C4orf51: variants seen among roughly 807,000 people sequenced by gnomAD.
The protein encoded by C4orf51 is chromosome 4 open reading frame 51.
Under a neutral mutation model 25.2 loss-of-function variants are expected in C4orf51, and 25 were observed. The ratio of observed to expected loss-of-function variants is 0.99; its 90% confidence interval spans 0.72 to 1.39. The LOEUF (loss-of-function observed/expected upper bound fraction) is 1.39, where lower values mean the gene tolerates loss of function less well. Ranked by LOEUF, C4orf51 falls within the 40% of genes most tolerant of loss-of-function variation. The pLI is 0.00. For missense variants in C4orf51, 252 were observed against 239.6 expected (o/e 1.05, Z -0.34); for synonymous variants, 100 against 84.5 (o/e 1.18, Z -1.01).
intron 1 of C4orf51, among the ~76,000 whole-genome samples, chr4:145,741,210 C>G (rs963652381): frequency 6.6e-6 from 1 of 152,166 alleles, no homozygotes; most frequent in Non-Finnish European, 1.5e-5. Flanking sequence ...CTGGCCGTAT[C>G]CATCATGTTT....
At chr4:145,725,391 G>A (rs1487107825) in intron 2 of C4orf51, among the ~76,000 whole-genome samples, 1 of 152,008 alleles carries the variant, frequency 6.6e-6, no homozygotes, top group African/African-American at 2.4e-5. Flanking sequence ...TTCTTTAAAG[G>A]TTAAACAAAA....
intron 2 of C4orf51, among the ~76,000 whole-genome samples, chr4:145,700,891 T>C (rs1373810315): frequency 2.6e-5 from 4 of 152,252 alleles, no homozygotes; most frequent in African/African-American, 9.6e-5. Context: ...CAGCTTACGG[T>C]TTAATTCCAT....
At chr4:145,779,432 C>T in the C4orf51 span, 1 of 1,614,154 alleles carries the variant, frequency 6.2e-7, no homozygotes, top group Non-Finnish European at 8.5e-7. Flanking sequence ...CTTTCCCACA[C>T]ACGTCACAGG....
In C4orf51 at chr4:145,761,052, C is replaced by T; in HGVS notation, n.167-9936C>T. ...GGGCTGCCGACAGGGCCACGGTCTGCAGAGCCTGGGAGGCAGACATAACTG... is the reference window on the plus strand; with the variant it reads ...GGGCTGCCGACAGGGCCACGGTCTGTAGAGCCTGGGAGGCAGACATAACTG... On this transcript the variant is annotated intron_variant and non_coding_transcript_variant, in intron 1 of 1. Coordinates refer to the C4orf51 transcript ENST00000510096. This position sits in a 1 kb window ranked among gnomAD's most constrained non-coding sequence, Gnocchi z 6.8. 1 of 1,288,724 alleles carries T rather than the reference C, an allele frequency of 7.8e-7. No individual in the cohort carries two copies. Among genetic ancestry groups the T allele is most frequent in the Non-Finnish European group, 1.0e-6 (1 of 988,122 alleles). 79.8% of individuals were successfully genotyped at this position (1,288,724 alleles called of 1,614,324 possible).
intron 1 of C4orf51, among the ~76,000 whole-genome samples, chr4:145,739,417 G>A (rs1472382502): frequency 6.6e-6 from 1 of 152,224 alleles, no homozygotes; most frequent in African/African-American, 2.4e-5. Context: ...AGAAGTTAAT[G>A]TGTGGCACAG....
rs776001463 is a variant in C4orf51 at position 145,764,930 on chromosome 4, A to G, written n.167-6058A>G. 3 of 1,606,514 alleles carry G rather than the reference A, an allele frequency of 1.9e-6. No individual in the cohort carries two copies. The East Asian group carries it at 6.7e-5, about 36-fold the overall frequency. ...CTTCACGGGAAGGGACGGGGTAGGGAAGGGGAAAGGGTATTTAATAACAAC... is the reference window on the plus strand; with the variant it reads ...CTTCACGGGAAGGGACGGGGTAGGGGAGGGGAAAGGGTATTTAATAACAAC... On this transcript the variant is annotated intron_variant and non_coding_transcript_variant, in intron 1 of 1. Coordinates refer to the C4orf51 transcript ENST00000510096.
At chr4:145,708,215 C>T (rs992826776) in intron 2 of C4orf51, among the ~76,000 whole-genome samples, 4 of 152,216 alleles carry the variant, frequency 2.6e-5, no homozygotes, top group African/African-American at 9.7e-5. Flanking sequence ...CCTTATTCTG[C>T]TCTTAGTTAT....
In C4orf51 at chr4:145,732,617, G is replaced by C. The variant is rs1732541105; in HGVS notation, c.*57G>C. The C allele has an allele frequency of 1.6e-6, 2 of 1,220,030 alleles. No individual in the cohort carries two copies. Among genetic ancestry groups the C allele is most frequent in the Non-Finnish European group, 2.4e-6 (2 of 849,778 alleles). The allele number at this position is 1,220,030 out of a possible 1,614,324, so 75.6% of individuals were successfully genotyped here. A position where few individuals can be genotyped will look rare whatever the true frequency, so the allele number is the denominator to read the frequency against. On this transcript the variant is annotated 3_prime_UTR_variant, in exon 6 of 6. Coordinates refer to ENST00000438731, the MANE Select transcript of C4orf51 (RefSeq NM_001080531.3). The stretch of plus-strand genomic sequence containing the variant: ...TGGAGTTTGCTTAATAAACAACTTT[G>C]AGGTATGGGGCCCTCCCAACACCCT...
chr4:145,771,679 TA>T (rs112174674), downstream of C4orf51, among the ~76,000 whole-genome samples: 7,302 of 152,244 alleles, frequency 0.048, 572 homozygotes, highest in African/African-American at 0.17. Context: ...CCCTTTAACA[TA>T]ACCACTCACA....
the C4orf51 span, among the ~76,000 whole-genome samples, chr4:145,784,569 A>C: frequency 6.6e-6 from 1 of 152,228 alleles, no homozygotes; most frequent in African/African-American, 2.4e-5. Context: ...CTGTTGGGAA[A>C]GAAAAACCTT....
At chr4:145,790,152 G>A in the C4orf51 span, among the ~76,000 whole-genome samples, 1 of 152,146 alleles carries the variant, frequency 6.6e-6, no homozygotes, top group Non-Finnish European at 1.5e-5. Context: ...TTAGGTGACA[G>A]CAAATCTTTA....
At chr4:145,719,522 G>C (rs772562798) in intron 2 of C4orf51, among the ~76,000 whole-genome samples, 1 of 149,040 alleles carries the variant, frequency 6.7e-6, no homozygotes, top group Admixed American at 6.8e-5. Context: ...GGAGAATGGC[G>C]TGAACCCAGG....
intron 2 of C4orf51, among the ~76,000 whole-genome samples, chr4:145,702,707 T>A (rs901682966): frequency 1.3e-5 from 2 of 152,236 alleles, no homozygotes; most frequent in African/African-American, 4.8e-5. Flanking sequence ...AGGCACTCTC[T>A]AATCAGATGT....
intron 1 of C4orf51, among the ~76,000 whole-genome samples, chr4:145,743,342 C>G (rs550818505): frequency 6.6e-6 from 1 of 152,272 alleles, no homozygotes; most frequent in African/African-American, 2.4e-5. Context: ...CTTGTGAAGG[C>G]TTTCTTGCTG....
At chr4:145,751,689 A>G (rs1733685025) in intron 1 of C4orf51, among the ~76,000 whole-genome samples, 1 of 152,230 alleles carries the variant, frequency 6.6e-6, no homozygotes, top group African/African-American at 2.4e-5. Context: ...ACGATCATCA[A>G]GTGAAGCTAG....
intron 2 of C4orf51, among the ~76,000 whole-genome samples, chr4:145,700,905 T>C (rs1730395214): frequency 2.0e-5 from 3 of 152,154 alleles, no homozygotes; most frequent in Admixed American, 1.3e-4. Context: ...ATTCCATGAC[T>C]AGCCCTCCCC....
At chr4:145,715,320 A>G (rs1284967569) in intron 2 of C4orf51, among the ~76,000 whole-genome samples, 1 of 151,988 alleles carries the variant, frequency 6.6e-6, no homozygotes, top group Non-Finnish European at 1.5e-5. Flanking sequence ...AGCCTCCCTC[A>G]CCACTCAGCT....
At chr4:145,767,239 T>G (rs1232939334) in intron 1 of C4orf51, among the ~76,000 whole-genome samples, 1 of 152,196 alleles carries the variant, frequency 6.6e-6, no homozygotes. Flanking sequence ...TTTCTACTGA[T>G]GAAAACTGCA....
chr4:145,721,485 G>A (rs28508209), intron 2 of C4orf51, among the ~76,000 whole-genome samples: 46 of 152,090 alleles, frequency 3.0e-4, no homozygotes, highest in African/African-American at 1.0e-3. Flanking sequence ...AGAGAATCCC[G>A]GGATGGGCCT....
Sources: allele counts gnomAD v4.1 joint callset (sites outside exome capture counted in the v4.1 genomes callset), GRCh38; gene constraint gnomAD v4.1.1; non-coding constraint Gnocchi (gnomAD v3.1); transcripts MANE v1.5; gene names NCBI Gene and HGNC (gene_info 2026-07-23, HGNC 2026-07-21).